Variants in HMG20A observed in about 807,000 individuals in gnomAD.
HMG20A encodes high mobility group 20A, also known as high mobility group protein 20A.
Under a neutral mutation model 43.9 loss-of-function variants are expected in HMG20A, and 17 were observed. The ratio of observed to expected loss-of-function variants is 0.39; its 90% CI spans 0.27 to 0.58. The LOEUF is 0.58. Among genes scored for constraint, HMG20A ranks in the 20% least tolerant of loss-of-function variants. The pLI is 0.59. For missense variants in HMG20A, 341 were observed against 438.2 expected, an observed-to-expected ratio of 0.78 and a Z score of 1.98; for synonymous variants, 132 against 147.5, an observed-to-expected ratio of 0.89 and a Z score of 0.76.
At chr15:77,471,902 GA>G in intron 6 of HMG20A, 88 bp downstream of exon 6, 2 of 675,996 alleles carry the variant, frequency 3.0e-6, no homozygotes, top group Non-Finnish European at 5.0e-6. Flanking sequence ...TTTTTTTAAT[GA>G]ATGGCAAAGT....
chr15:77,510,486 G>A, the HMG20A span, among the ~76,000 whole-genome samples: 1 of 152,188 alleles, frequency 6.6e-6, no homozygotes, highest in African/African-American at 2.4e-5. Flanking sequence ...AATGCACTGG[G>A]GGAGAGGAAG....
At chr15:77,432,722 CAAAAAAAAA>C (rs34459644) in intron 1 of HMG20A, among the ~76,000 whole-genome samples, 32 of 77,720 alleles carry the variant, frequency 4.1e-4, no homozygotes, top group Middle Eastern at 7.6e-3. Flanking sequence ...AACTCCGACT[CAAAAAAAAA>C]AAAAAAAAAA....
At chr15:77,464,580 C>T in intron 3 of HMG20A, 193 bp downstream of exon 3, 2 of 460,620 alleles carry the variant, frequency 4.3e-6, no homozygotes, top group Non-Finnish European at 4.0e-6. Flanking sequence ...CAGGTAGACT[C>T]TTTTTTCCCT....
At chr15:77,422,299 C>G (rs189173393) in intron 1 of HMG20A, among the ~76,000 whole-genome samples, 24 of 152,298 alleles carry the variant, frequency 1.6e-4, no homozygotes, top group Admixed American at 5.9e-4. Flanking sequence ...AATCTAGCCT[C>G]AGACTCTGCG....
the HMG20A span, among the ~76,000 whole-genome samples, chr15:77,511,408 GAATC>G: frequency 6.6e-6 from 1 of 152,178 alleles, no homozygotes; most frequent in Non-Finnish European, 1.5e-5. Context: ...CCACTGAAAG[GAATC>G]AGGGCTCCTT....
chr15:77,467,225 CAA>C lies in HMG20A; in HGVS notation c.370_371del (p.Lys124GlufsTer16). ...AATGAGCGTCGAGAACAACTTCGAG[CAA>C]AGAGACCAGAAGTCCCATTTCCAGA... On this transcript the variant is annotated frameshift_variant, in exon 4 of 10. Coordinates refer to ENST00000336216, the MANE Select transcript of HMG20A (RefSeq NM_001304504.2). LOFTEE classifies it high-confidence loss of function. The C allele has an allele frequency of 6.2e-7, 1 of 1,614,096 alleles. No individual in the cohort carries two copies. The highest frequency in any genetic ancestry group is 8.5e-7 in the Non-Finnish European group (1 of 1,180,004).
At chr15:77,431,053 G>A (rs1445785345) in intron 1 of HMG20A, among the ~76,000 whole-genome samples, 1 of 152,102 alleles carries the variant, frequency 6.6e-6, no homozygotes, top group Non-Finnish European at 1.5e-5. Flanking sequence ...AAATAAAACT[G>A]TTGAAAGTAA....
chr15:77,445,910 C>G (rs2073669059), intron 1 of HMG20A, among the ~76,000 whole-genome samples: 1 of 152,186 alleles, frequency 6.6e-6, no homozygotes, highest in African/African-American at 2.4e-5. Flanking sequence ...TCTGAAACTT[C>G]CCATTTAATA....
At chr15:77,433,159 A>G (rs2073506041) in intron 1 of HMG20A, among the ~76,000 whole-genome samples, 1 of 152,134 alleles carries the variant, frequency 6.6e-6, no homozygotes, top group Non-Finnish European at 1.5e-5. Context: ...ATTTAAGTCC[A>G]GGAGTTCAAG....
chr15:77,503,052 T>C, the HMG20A span, among the ~76,000 whole-genome samples: 1 of 152,208 alleles, frequency 6.6e-6, no homozygotes, highest in African/African-American at 2.4e-5. Flanking sequence ...CAATCCCCTA[T>C]TTAACTCTGA....
At chr15:77,443,625 C>T (rs1212868357) in intron 1 of HMG20A, among the ~76,000 whole-genome samples, 5 of 151,706 alleles carry the variant, frequency 3.3e-5, no homozygotes, top group African/African-American at 1.2e-4. Flanking sequence ...CTCCTGACCT[C>T]AAGTGATCCA....
the HMG20A span, among the ~76,000 whole-genome samples, chr15:77,499,934 A>T: frequency 6.6e-6 from 1 of 150,584 alleles, no homozygotes; most frequent in Non-Finnish European, 1.5e-5. Context: ...GGTTCAAGGG[A>T]TTCTCCTGCC....
intron 1 of HMG20A, among the ~76,000 whole-genome samples, chr15:77,457,869 G>A (rs568272027): frequency 2.0e-5 from 3 of 152,160 alleles, no homozygotes; most frequent in Non-Finnish European, 4.4e-5. Context: ...ATTCATCTGG[G>A]ACTGAGAACT....
rs184571856 is a variant in HMG20A at position 77,484,366 on chromosome 15, G to C, written c.*1403G>C. The C allele has an allele frequency of 1.0e-4, 16 of 152,724 alleles. No homozygotes were observed. In the East Asian group the frequency reaches 3.1e-3, roughly 29 times the overall value. The allele number at this position is 152,724 out of a possible 1,614,324, so 9.5% of individuals were successfully genotyped here. On this transcript the variant is annotated 3_prime_UTR_variant, in exon 10 of 10. Coordinates refer to ENST00000336216, the MANE Select transcript of HMG20A (RefSeq NM_001304504.2). The stretch of plus-strand genomic sequence containing the variant: ...TTGTTTTGACACTGCAGAGCACAAG[G>C]CTAAAGGTTACAGCTGAGATCTTTG...
the HMG20A span, among the ~76,000 whole-genome samples, chr15:77,514,808 G>C: frequency 5.3e-5 from 8 of 152,222 alleles, no homozygotes; most frequent in Admixed American, 2.0e-4. Flanking sequence ...AGGGGCCCGA[G>C]TCGGGGCAGG....
chr15:77,435,729 G>T (rs2073539719), intron 1 of HMG20A, among the ~76,000 whole-genome samples: 1 of 151,954 alleles, frequency 6.6e-6, no homozygotes, highest in Non-Finnish European at 1.5e-5. Context: ...CATCAAAAGG[G>T]CTCTACTAGG....
rs116578948 is a variant in HMG20A, at chr15:77,451,861, G to A, written c.-4-6543G>A. Among the ~76,000 whole-genome samples, 727 of 152,248 alleles carry A rather than the reference G, an allele frequency of 4.8e-3. 5 individuals are homozygous for A. Among genetic ancestry groups the A allele is most frequent in the African/African-American group, 0.016 (676 of 41,538 alleles). On this transcript the variant is annotated intron_variant, in intron 1 of 9. Coordinates refer to ENST00000336216, the MANE Select transcript of HMG20A (RefSeq NM_001304504.2). ...ATTGATGTTAAAGATTCAATACTTA[G>A]ACATGAATATCTAACGTGAATGGAA...
At chr15:77,479,902 A>G (rs558589954) in intron 9 of HMG20A, among the ~76,000 whole-genome samples, 1 of 152,336 alleles carries the variant, frequency 6.6e-6, no homozygotes, top group South Asian at 2.1e-4. Context: ...GGAAGCTTTT[A>G]TATTCACCAC....
At chr15:77,431,173 T>C (rs1317037781) in intron 1 of HMG20A, among the ~76,000 whole-genome samples, 2 of 152,132 alleles carry the variant, frequency 1.3e-5, no homozygotes, top group East Asian at 3.8e-4. Context: ...TTTTTGTTTG[T>C]TTTTTTGCTT....
Sources: gnomAD v4.1 joint callset for allele counts (sites outside exome capture counted in the v4.1 genomes callset) on GRCh38, gnomAD v4.1.1 for gene constraint, MANE v1.5 for transcripts, NCBI Gene and HGNC (gene_info 2026-07-23, HGNC 2026-07-21) for gene names.